TGFB2: variants seen among roughly 807,000 people sequenced by gnomAD.
TGFB2 encodes the protein transforming growth factor beta 2, also known as transforming growth factor beta-2 proprotein.
In TGFB2, 13 loss-of-function variants were observed where a neutral mutation model predicts 42.7. The observed-to-expected ratio is 0.30, with a 90% CI of 0.20 to 0.48. The LOEUF is 0.48. Among genes scored for constraint, TGFB2 ranks in the 20% least tolerant of loss-of-function variants. The pLI, the probability that TGFB2 is intolerant of heterozygous loss-of-function variation, is 0.99. For synonymous variants in TGFB2, 193 were observed against 193.6 expected, an observed-to-expected ratio of 1.00 and a Z score of 0.03; for missense variants, 390 against 517.5, an observed-to-expected ratio of 0.75 and a Z score of 2.39.
intron 2 of TGFB2, among the ~76,000 whole-genome samples, chr1:218,407,476 CCTAA>C (rs535262408): frequency 2.1e-3 from 321 of 152,186 alleles, no homozygotes; most frequent in Admixed American, 3.8e-3. Flanking sequence ...ACTTTTAAAT[CCTAA>C]CTGGCATTCT....
At chr1:218,395,626 T>G (rs1304912798) in intron 1 of TGFB2, among the ~76,000 whole-genome samples, 1 of 147,326 alleles carries the variant, frequency 6.8e-6, no homozygotes, top group Non-Finnish European at 1.5e-5. Flanking sequence ...TTTTTTTTTT[T>G]GTTGAGATGG....
intron 1 of TGFB2, among the ~76,000 whole-genome samples, chr1:218,392,498 G>A (rs1019281951): frequency 6.6e-6 from 1 of 152,202 alleles, no homozygotes; most frequent in African/African-American, 2.4e-5. Flanking sequence ...CCTGAGGTAG[G>A]GAAGAACTCT....
At chr1:218,374,972 C>G (rs1051858622) in intron 1 of TGFB2, among the ~76,000 whole-genome samples, 1 of 152,222 alleles carries the variant, frequency 6.6e-6, no homozygotes, top group African/African-American at 2.4e-5. Flanking sequence ...TACTTTTAAA[C>G]TACTCTCTGG....
chr1:218,399,638 G>T (rs180940203), intron 1 of TGFB2, among the ~76,000 whole-genome samples: 114 of 152,302 alleles, frequency 7.5e-4, no homozygotes, highest in African/African-American at 2.5e-3. Flanking sequence ...TTAAAGGATA[G>T]TGGTGGGGAG....
intron 1 of TGFB2, among the ~76,000 whole-genome samples, chr1:218,394,287 T>C (rs924365429): frequency 6.6e-6 from 1 of 152,114 alleles, no homozygotes; most frequent in African/African-American, 2.4e-5. Context: ...CAGTACACCC[T>C]ACACAAACTG....
At chr1:218,423,366 C>T (rs1659518214) in intron 2 of TGFB2, among the ~76,000 whole-genome samples, 1 of 152,154 alleles carries the variant, frequency 6.6e-6, no homozygotes, top group African/African-American at 2.4e-5. Flanking sequence ...CTTGAAGCCA[C>T]TATGCGCAAG....
chr1:218,430,856 C>T (rs1659784536), intron 2 of TGFB2, among the ~76,000 whole-genome samples: 1 of 152,188 alleles, frequency 6.6e-6, no homozygotes, highest in African/African-American at 2.4e-5. Flanking sequence ...TGGGAAATTA[C>T]ACCTTTAAAT....
intron 1 of TGFB2, among the ~76,000 whole-genome samples, chr1:218,372,578 A>C (rs902444586): frequency 6.6e-6 from 1 of 152,174 alleles, no homozygotes; most frequent in African/African-American, 2.4e-5. Flanking sequence ...AAGAGAGCAG[A>C]CTGTTTTTCA....
At chr1:218,363,558 G>T in intron 1 of TGFB2, 1 of 779,512 alleles carries the variant, frequency 1.3e-6, no homozygotes, top group Non-Finnish European at 2.1e-6. Flanking sequence ...TCACAAAGGT[G>T]CCTAGAATTT....
At chr1:218,400,832 C>A (rs773831321) in intron 1 of TGFB2, among the ~76,000 whole-genome samples, 4 of 151,964 alleles carry the variant, frequency 2.6e-5, no homozygotes, top group Non-Finnish European at 5.9e-5. Context: ...TGGAGGAAAA[C>A]AGTGGCCACT....
At chr1:218,418,106 A>G (rs1053120101) in intron 2 of TGFB2, among the ~76,000 whole-genome samples, 1 of 152,228 alleles carries the variant, frequency 6.6e-6, no homozygotes, top group Non-Finnish European at 1.5e-5. Context: ...TCCAGACCCC[A>G]GAATGGTAGA....
chr1:218,441,097 C>G, intron 6 of TGFB2, 107 bp from the exon 7 acceptor site: 1 of 1,028,536 alleles, frequency 9.7e-7, no homozygotes, highest in Non-Finnish European at 1.4e-6. Flanking sequence ...TTTTAAATTG[C>G]CTACTCAGTG....
chr1:218,395,611 CTTTT>C (rs35666134), intron 1 of TGFB2, among the ~76,000 whole-genome samples: 1 of 138,610 alleles, frequency 7.2e-6, no homozygotes. Flanking sequence ...TTTTCTTTTT[CTTTT>C]TTTTTTTTTT....
At chr1:218,425,979 A>G (rs1450691373) in intron 2 of TGFB2, among the ~76,000 whole-genome samples, 2 of 152,266 alleles carry the variant, frequency 1.3e-5, no homozygotes, top group Non-Finnish European at 2.9e-5. Flanking sequence ...GCAAACATTT[A>G]AAACATTTAA....
intron 1 of TGFB2, among the ~76,000 whole-genome samples, chr1:218,374,169 A>G (rs1657664537): frequency 6.6e-6 from 1 of 152,204 alleles, no homozygotes; most frequent in Non-Finnish European, 1.5e-5. Flanking sequence ...TTGTTGGCAG[A>G]TTTGTAAATC....
chr1:218,391,235 G>A (rs1658307512), intron 1 of TGFB2, among the ~76,000 whole-genome samples: 1 of 152,180 alleles, frequency 6.6e-6, no homozygotes, highest in Non-Finnish European at 1.5e-5. Flanking sequence ...ATGATTTGCA[G>A]TAGGACACAG....
At chr1:218,406,370 C>T (rs531230459) in intron 2 of TGFB2, among the ~76,000 whole-genome samples, 8 of 152,084 alleles carry the variant, frequency 5.3e-5, no homozygotes, top group South Asian at 2.1e-4. Context: ...GCTTGTTACC[C>T]GAGTGTAGTC....
At chr1:218,435,880 T>A in intron 4 of TGFB2, 90 bp from the exon 5 acceptor site, 1 of 1,325,400 alleles carries the variant, frequency 7.5e-7, no homozygotes, top group African/African-American at 1.5e-5. Flanking sequence ...TCACTGCTAT[T>A]TGTGACAATA....
rs1427235848 is a variant in TGFB2, at chr1:218,441,422, G to A, written c.*60G>A. 4.6e-6 allele frequency: 7 copies of A among 1,517,432 alleles called. No homozygotes were observed. The highest frequency in any genetic ancestry group is 6.2e-6 in the Non-Finnish European group (7 of 1,130,328). The allele number at this position is 1,517,432 out of a possible 1,614,324, so 94.0% of individuals were successfully genotyped here. A position where few individuals can be genotyped will look rare whatever the true frequency, so the allele number is the denominator to read the frequency against. ...TGATGATGATAATGATGATGACGAC[G>A]ACAACGATGATGCTTGTAACAAGAA... On this transcript the variant is annotated 3_prime_UTR_variant, in exon 7 of 7. Coordinates refer to ENST00000366930, the MANE Select transcript of TGFB2 (RefSeq NM_003238.6).
Sources: allele counts gnomAD v4.1 joint callset (sites outside exome capture counted in the v4.1 genomes callset), GRCh38; gene constraint gnomAD v4.1.1; transcripts MANE v1.5; gene names NCBI Gene and HGNC (gene_info 2026-07-23, HGNC 2026-07-21).